EIF4A1: variants seen among roughly 807,000 people sequenced by gnomAD.
EIF4A1 encodes the protein eukaryotic initiation factor 4A-I.
In EIF4A1, 11 loss-of-function variants were observed where a neutral mutation model predicts 53.5. The observed-to-expected ratio is 0.21, with a 90% CI of 0.13 to 0.34. EIF4A1 has a LOEUF of 0.34. Among genes scored for constraint, EIF4A1 ranks in the 10% least tolerant of loss-of-function variants. The pLI, the probability that EIF4A1 is intolerant of heterozygous loss-of-function variation, is 1.00. For synonymous variants in EIF4A1, 237 were observed against 186.7 expected, an observed-to-expected ratio of 1.27 and a Z score of -2.20; for missense variants, 213 against 530.8, an observed-to-expected ratio of 0.40 and a Z score of 5.88.
At chr17:7,574,516 C>T (rs765105916) in intron 2 of EIF4A1, 30 bp from the exon 3 acceptor site, 13 of 1,612,880 alleles carry the variant, frequency 8.1e-6, no homozygotes, top group Non-Finnish European at 1.0e-5. Context: ...TTTTCCATGA[C>T]TCAAGCTTTA....
chr17:7,575,818 G>T (rs929975579), intron 4 of EIF4A1: 1 of 212,414 alleles, frequency 4.7e-6, no homozygotes, highest in African/African-American at 2.3e-5. Flanking sequence ...AACATGCCTC[G>T]TAGCTTGGGT....
chr17:7,578,274 C>T (rs774639150), intron 10 of EIF4A1, 30 bp downstream of exon 10: 5 of 1,613,960 alleles, frequency 3.1e-6, no homozygotes, highest in South Asian at 2.2e-5. Context: ...ACTCCCCTAC[C>T]CCTTCACACC....
At chr17:7,576,865 C>CACTGGCAGGGA in intron 5 of EIF4A1, 173 bp downstream of exon 5, 1 of 1,362,430 alleles carries the variant, frequency 7.3e-7, no homozygotes, top group Non-Finnish European at 1.0e-6. Flanking sequence ...CCTGCCAGTG[C>CACTGGCAGGGA]AGCCCTGGCA....
Position 7,577,034 on chromosome 17 carries a change from T to G in EIF4A1, c.515-22T>G, listed in dbSNP as rs1855809702. On this transcript the variant is annotated intron_variant, in intron 5 of 10. Coordinates refer to ENST00000293831, the MANE Select transcript of EIF4A1 (RefSeq NM_001416.4). The surrounding 1 kb of genome is among the most constrained non-coding windows in gnomAD (Gnocchi z 4.7). ...ATTTCCCTAATCATATGCTATATAT[T>G]GGCTTTTTTTTTCTTCTCTAGCCCC... 1 of 1,613,370 alleles carries G rather than the reference T, an allele frequency of 6.2e-7. No homozygotes were observed. The highest frequency in any genetic ancestry group is 8.5e-7 in the Non-Finnish European group (1 of 1,179,414).
Position 7,578,323 on chromosome 17 carries a change from C to T in EIF4A1, c.1077-19C>T. ...GCTTAAAGCTCCTGATATTCCTCAT[C>T]CCCTTCCTTGTTTTCCAGAATCGGT... On this transcript the variant is annotated intron_variant, in intron 10 of 10. Coordinates refer to ENST00000293831, the MANE Select transcript of EIF4A1 (RefSeq NM_001416.4). 6.2e-7 allele frequency: 1 copy of T among 1,612,924 alleles called. No individual in the cohort carries two copies. Among genetic ancestry groups the T allele is most frequent in the Non-Finnish European group, 8.5e-7 (1 of 1,179,202 alleles).
At position 7,578,777 on chromosome 17, in the gene EIF4A1, T is replaced by A; in HGVS notation, c.*291T>A. On this transcript the variant is annotated 3_prime_UTR_variant, in exon 11 of 11. Coordinates refer to ENST00000293831, the MANE Select transcript of EIF4A1 (RefSeq NM_001416.4). ...TCCCAGAGGCTCTCCTCACCTCAGC[T>A]GAGCTCCTTTGAAAGTGATTCAAGG... 1 of 234,068 alleles carries A rather than the reference T, an allele frequency of 4.3e-6. No homozygotes were observed. Among genetic ancestry groups the A allele is most frequent in the East Asian group, 9.0e-5 (1 of 11,152 alleles). The allele number at this position is 234,068 out of a possible 1,614,324, so 14.5% of individuals were successfully genotyped here. A position where few individuals can be genotyped will look rare whatever the true frequency, so the allele number is the denominator to read the frequency against.
At position 7,578,263 on chromosome 17, in the gene EIF4A1, C is replaced by T; in HGVS notation, c.1076+19C>T. The T allele has an allele frequency of 6.2e-7, 1 of 1,614,102 alleles. No individual in the cohort carries two copies. Among genetic ancestry groups the T allele is most frequent in the East Asian group, 2.2e-5 (1 of 44,884 alleles). ...TCCACAGGTAAGCGTAGATCTGGAA[C>T]ACTCCCCTACCCCTTCACACCTGGC... On this transcript the variant is annotated intron_variant, in intron 10 of 10. Transcript: ENST00000293831.
chr17:7,576,797 CTG>C (rs1291954329), intron 5 of EIF4A1, 105 bp downstream of exon 5: 6 of 1,541,324 alleles, frequency 3.9e-6, no homozygotes, highest in Non-Finnish European at 5.3e-6. Context: ...TGGTTTCTCT[CTG>C]GGGGAAGAGC....
chr17:7,573,046 C>T (rs1210062286), intron 1 of EIF4A1, among the ~76,000 whole-genome samples, 182 bp downstream of exon 1: 2 of 152,056 alleles, frequency 1.3e-5, no homozygotes, highest in African/African-American at 2.4e-5. Context: ...CAGGTCGAGG[C>T]GGAGGGTAGG....
In EIF4A1 at chr17:7,577,988, G is replaced by C; in HGVS notation, c.996+72G>C. On this transcript the variant is annotated intron_variant, in intron 9 of 10. Coordinates refer to ENST00000293831, the MANE Select transcript of EIF4A1 (RefSeq NM_001416.4). The surrounding 1 kb of genome is among the most constrained non-coding windows in gnomAD (Gnocchi z 4.7). Reference sequence around the variant, plus strand: ...TGATTCCCTCTCCAAGGGGACATCAGTGCCTCTCAGGAAAGTAGCAGCTTG... The same window carrying C: ...TGATTCCCTCTCCAAGGGGACATCACTGCCTCTCAGGAAAGTAGCAGCTTG... 1 of 1,597,648 alleles carries C rather than the reference G, an allele frequency of 6.3e-7. No individual in the cohort carries two copies. The highest frequency in any genetic ancestry group is 1.1e-5 in the South Asian group (1 of 90,628).
intron 4 of EIF4A1, 122 bp from the exon 5 acceptor site, chr17:7,576,402 T>C: frequency 1.6e-6 from 2 of 1,283,080 alleles, no homozygotes; most frequent in Non-Finnish European, 2.1e-6. Flanking sequence ...CAGCTGAATG[T>C]GAGTTTAATA....
intron 1 of EIF4A1, chr17:7,573,981 T>G (rs887400366): frequency 2.0e-5 from 10 of 490,172 alleles, no homozygotes; most frequent in African/African-American, 5.9e-5. Flanking sequence ...GCACCACCTC[T>G]GGGCACCGTG....
Position 7,578,860 on chromosome 17 carries a change from C to T in EIF4A1, c.*374C>T, listed in dbSNP as rs115950468. The T allele has an allele frequency of 4.1e-3, 706 of 171,986 alleles. 8 individuals carry two copies. Among genetic ancestry groups the T allele is most frequent in the African/African-American group, 0.016 (658 of 42,076 alleles). 10.7% of individuals were successfully genotyped at this position (171,986 alleles called of 1,614,324 possible). A position where few individuals can be genotyped will look rare whatever the true frequency, so the allele number is the denominator to read the frequency against. The stretch of plus-strand genomic sequence containing the variant: ...AATCTGGAGGGAGAACCCCTAAAAC[C>T]CCTAAGTGAGGTTGCCCAGGGGGTT... On this transcript the variant is annotated 3_prime_UTR_variant, in exon 11 of 11. Transcript: ENST00000293831.
At chr17:7,576,245 ATATC>A (rs1388584757) in intron 4 of EIF4A1, 9 of 318,796 alleles carry the variant, frequency 2.8e-5, no homozygotes, top group Non-Finnish European at 5.1e-5. Flanking sequence ...AGGGTTCTAA[ATATC>A]TAGAGTAAAG....
At chr17:7,573,388 C>T (rs75853747) in intron 1 of EIF4A1, 24,144 of 180,754 alleles carry the variant, frequency 0.13, 1,847 homozygotes, top group African/African-American at 0.16. Context: ...TGCTGGTTTT[C>T]TTGACGGCCA....
intron 2 of EIF4A1, 51 bp downstream of exon 2, chr17:7,574,359 G>A (rs749449704): frequency 1.9e-5 from 30 of 1,613,216 alleles, no homozygotes; most frequent in East Asian, 1.3e-4. Flanking sequence ...ACTTTCAGCC[G>A]TATAGAGTTA....
rs566939202 is a variant in EIF4A1, at chr17:7,572,980, G to C, written c.23+116G>C. 7.5e-6 allele frequency: 12 copies of C among 1,589,444 alleles called. No homozygotes were observed. The South Asian group carries it at 1.1e-4, about 15-fold the overall frequency. On this transcript the variant is annotated intron_variant, in intron 1 of 10. Transcript: ENST00000293831. Reference sequence around the variant, plus strand: ...GTTGCGGGAGAAACCGAACCGGGTGGGGGGAGGGTCCGACTTGGAGGGGCG... The same window carrying C: ...GTTGCGGGAGAAACCGAACCGGGTGCGGGGAGGGTCCGACTTGGAGGGGCG...
intron 4 of EIF4A1, 41 bp downstream of exon 4, chr17:7,575,299 GGAT>G (rs1324704175): frequency 1.9e-6 from 3 of 1,612,316 alleles, no homozygotes; most frequent in Non-Finnish European, 1.7e-6. Flanking sequence ...GCTGATTTAG[GGAT>G]GATGAGTATA....
intron 3 of EIF4A1, 159 bp downstream of exon 3, chr17:7,574,837 T>G (rs1292608706): frequency 7.1e-6 from 9 of 1,271,638 alleles, no homozygotes; most frequent in Non-Finnish European, 9.1e-6. Context: ...GTTCATGCCT[T>G]GGACACATAG....
Sources: allele counts gnomAD v4.1 joint callset (sites outside exome capture counted in the v4.1 genomes callset), GRCh38; gene constraint gnomAD v4.1.1; non-coding constraint Gnocchi (gnomAD v3.1); transcripts MANE v1.5; gene names NCBI Gene and HGNC (gene_info 2026-07-23, HGNC 2026-07-21).